ACYP2: variants seen among roughly 807,000 people sequenced by gnomAD.
ACYP2 encodes the protein acylphosphatase-2.
A neutral mutation model predicts 11.2 loss-of-function variants in ACYP2; 12 were observed. That is an observed-to-expected ratio of 1.08 (90% CI 0.69 to 1.74). The LOEUF (loss-of-function observed/expected upper bound fraction) is 1.74. Among genes scored for constraint, ACYP2 ranks in the 40% most tolerant of loss-of-function variants. The probability of loss-of-function intolerance (pLI) is 0.00; values close to 1 mark genes in which losing one functional copy is unlikely to be tolerated. For synonymous variants in ACYP2, 43 were observed against 32.2 expected, an observed-to-expected ratio of 1.33 and a Z score of -1.13; for missense variants, 134 against 101.9, an observed-to-expected ratio of 1.31 and a Z score of -1.35.
chr2:54,003,503 G>A (rs796905228), intron 2 of ACYP2, among the ~76,000 whole-genome samples: 9 of 151,378 alleles, frequency 5.9e-5, no homozygotes, highest in East Asian at 3.9e-4. Context: ...CCAGTGATCC[G>A]CCCACCTCGG....
Position 54,305,035 on chromosome 2 carries a change from G to T in ACYP2, c.*233G>T. 3.3e-6 allele frequency: 1 copy of T among 305,954 alleles called. No individual in the cohort carries two copies. Among genetic ancestry groups the T allele is most frequent in the South Asian group, 1.2e-4 (1 of 8,362 alleles). 19.0% of individuals were successfully genotyped at this position (305,954 alleles called of 1,614,324 possible). On this transcript the variant is annotated 3_prime_UTR_variant, in exon 7 of 7. Coordinates refer to ENST00000607452, the MANE Select transcript of ACYP2 (RefSeq NM_001320586.2). ...AAAATGTCATTACAAAATATTTAGT[G>T]TGAACATTTAATTTAAACTTGTCTC...
intron 6 of ACYP2, among the ~76,000 whole-genome samples, chr2:54,272,893 C>T (rs186443541): frequency 3.3e-5 from 5 of 152,346 alleles, no homozygotes; most frequent in Admixed American, 6.5e-5. Flanking sequence ...CTAAAAATCT[C>T]ACCATTTCAC....
intron 4 of ACYP2, among the ~76,000 whole-genome samples, chr2:54,128,401 C>A (rs1290516015): frequency 6.6e-6 from 1 of 151,978 alleles, no homozygotes; most frequent in Non-Finnish European, 1.5e-5. Flanking sequence ...GAGGTAGTGG[C>A]TCATGCTTGT....
intron 6 of ACYP2, among the ~76,000 whole-genome samples, chr2:54,199,720 C>A (rs1434086422): frequency 6.6e-6 from 1 of 152,180 alleles, no homozygotes. Flanking sequence ...GAGGGAAATA[C>A]AGAGTTGTGA....
intron 2 of ACYP2, among the ~76,000 whole-genome samples, chr2:53,998,070 T>G (rs895031020): frequency 6.6e-6 from 1 of 152,246 alleles, no homozygotes; most frequent in African/African-American, 2.4e-5. Flanking sequence ...CTGTCTCTTT[T>G]ATCTGAGTTT....
intron 4 of ACYP2, among the ~76,000 whole-genome samples, chr2:54,060,244 A>T (rs1676390416): frequency 6.6e-6 from 1 of 151,552 alleles, no homozygotes; most frequent in Non-Finnish European, 1.5e-5. Context: ...TAAGCATCTT[A>T]TTTTTTTCTC....
At chr2:54,151,449 T>A (rs1456032820) in intron 6 of ACYP2, among the ~76,000 whole-genome samples, 2 of 152,246 alleles carry the variant, frequency 1.3e-5, no homozygotes, top group East Asian at 3.8e-4. Context: ...ATTTTTATAC[T>A]TTATTCATCA....
intron 6 of ACYP2, among the ~76,000 whole-genome samples, chr2:54,213,404 C>A (rs1018109212): frequency 6.6e-6 from 1 of 152,010 alleles, no homozygotes; most frequent in Admixed American, 6.6e-5. Flanking sequence ...TAAACATATA[C>A]GTGCACGTGT....
At chr2:54,115,584 G>A (rs1679705936) in intron 4 of ACYP2, 31 bp from the exon 1 acceptor site, 2 of 1,541,808 alleles carry the variant, frequency 1.3e-6, no homozygotes, top group African/African-American at 1.4e-5. Flanking sequence ...TCCGGGACCG[G>A]TGACAGGCGC....
chr2:54,196,676 C>G (rs1391611499), intron 6 of ACYP2, among the ~76,000 whole-genome samples: 1 of 152,170 alleles, frequency 6.6e-6, no homozygotes, highest in Non-Finnish European at 1.5e-5. Flanking sequence ...GGATGTTTAG[C>G]AGCTTCTCTG....
chr2:54,265,619 G>C (rs1293975369), intron 6 of ACYP2, among the ~76,000 whole-genome samples: 2 of 152,240 alleles, frequency 1.3e-5, no homozygotes, highest in African/African-American at 4.8e-5. Flanking sequence ...CTTTGAGCCT[G>C]AGTTTTCTTC....
chr2:54,042,863 TG>T (rs1003085405), intron 2 of ACYP2, among the ~76,000 whole-genome samples: 6 of 152,214 alleles, frequency 3.9e-5, no homozygotes, highest in South Asian at 2.1e-4. Flanking sequence ...AGAAGCAACG[TG>T]GAAGACCAAC....
At chr2:54,082,032 C>A (rs1677683303) in intron 4 of ACYP2, among the ~76,000 whole-genome samples, 1 of 152,142 alleles carries the variant, frequency 6.6e-6, no homozygotes. Flanking sequence ...ATATATGGTA[C>A]CACAAGAGAT....
chr2:54,182,420 A>C (rs1683783157), intron 6 of ACYP2, among the ~76,000 whole-genome samples: 1 of 152,064 alleles, frequency 6.6e-6, no homozygotes, highest in South Asian at 2.1e-4. Context: ...TGGTTCACTG[A>C]AGCCTTGACC....
chr2:54,168,188 G>C (rs1169786328), intron 6 of ACYP2, among the ~76,000 whole-genome samples: 1 of 152,154 alleles, frequency 6.6e-6, no homozygotes, highest in Non-Finnish European at 1.5e-5. Flanking sequence ...ACTTTGGTAG[G>C]TTGAGGTGAG....
chr2:54,000,322 G>A (rs576660157), intron 2 of ACYP2, among the ~76,000 whole-genome samples: 3 of 152,132 alleles, frequency 2.0e-5, no homozygotes, highest in Non-Finnish European at 4.4e-5. Flanking sequence ...CAGGTCAAAG[G>A]CTGATGTCAG....
At position 54,152,115 on chromosome 2, in the gene ACYP2, CTT is replaced by C. The variant is rs59900871; in HGVS notation, c.404+13387_404+13388del. Reference sequence around the variant, plus strand: ...CTGATAGGTTACATTAGGGTTGACTCTTTTTTTTTTTTTTTTTTTTTGAGGCA... The same window carrying C: ...CTGATAGGTTACATTAGGGTTGACTCTTTTTTTTTTTTTTTTTTTGAGGCA... On this transcript the variant is annotated intron_variant, in intron 6 of 6. Transcript: ENST00000607452. Among the ~76,000 whole-genome samples, 239 of 106,932 alleles carry C rather than the reference CTT, an allele frequency of 2.2e-3. 1 individual carries two copies. The highest frequency in any genetic ancestry group is 7.9e-3 in the African/African-American group (226 of 28,484). The allele number at this position is 106,932 out of a possible 152,430, so 70.2% of individuals were successfully genotyped here.
At position 54,254,548 on chromosome 2, in the gene ACYP2, T is replaced by C. The variant is rs186263570; in HGVS notation, c.405-50140T>C. 3.4e-5 allele frequency: 7 copies of C among 205,990 alleles called. No homozygotes were observed. The South Asian group carries it at 8.0e-4, about 23-fold the overall frequency. 12.8% of individuals were successfully genotyped at this position (205,990 alleles called of 1,614,324 possible). ...CTGTCAGATGCAGAGCAGGGTGAGC[T>C]GAATAGGTTCTTAGACACAGCTAGA... On this transcript the variant is annotated intron_variant, in intron 6 of 6. Transcript: ENST00000607452.
chr2:54,273,385 A>C (rs1425374789), intron 6 of ACYP2, among the ~76,000 whole-genome samples: 3 of 152,252 alleles, frequency 2.0e-5, no homozygotes, highest in Admixed American at 2.0e-4. Context: ...AGCCCCTAGA[A>C]GGCATAGAAT....
Sources: gnomAD v4.1 joint callset for allele counts (sites outside exome capture counted in the v4.1 genomes callset) on GRCh38, gnomAD v4.1.1 for gene constraint, MANE v1.5 for transcripts, NCBI Gene and HGNC (gene_info 2026-07-23, HGNC 2026-07-21) for gene names.